MAPKAP1: variants seen among roughly 807,000 people sequenced by gnomAD.
The protein encoded by MAPKAP1 is MAPK associated protein 1.
Under a neutral mutation model 65.7 loss-of-function variants are expected in MAPKAP1, and 20 were observed. That is an observed-to-expected ratio of 0.30 (90% confidence interval 0.21 to 0.44). The LOEUF is 0.44. MAPKAP1 is among the 20% of genes least tolerant of loss of function. The pLI, the probability that MAPKAP1 is intolerant of heterozygous loss-of-function variation, is 1.00. For synonymous variants in MAPKAP1, 222 were observed against 244.3 expected (o/e 0.91, Z 0.85); for missense variants, 423 against 648.0 (o/e 0.65, Z 3.77).
chr9:125,468,210 T>C lies in MAPKAP1; in HGVS notation c.1208-101A>G, dbSNP rs1589217336. On this transcript the variant is annotated intron_variant, in intron 9 of 11. Coordinates refer to ENST00000265960, the MANE Select transcript of MAPKAP1 (RefSeq NM_001006617.3). ...CCTGTTTTATAAATCTGAAATTGCA[T>C]GAACGTGAGCTCTTTCTTAGGGCTT... 5.5e-6 allele frequency: 7 copies of C among 1,271,082 alleles called. No individual in the cohort carries two copies. In the East Asian group the frequency reaches 1.6e-4, roughly 30 times the overall value. 78.7% of individuals were successfully genotyped at this position (1,271,082 alleles called of 1,614,324 possible). A position where few individuals can be genotyped will look rare whatever the true frequency, so the allele number is the denominator to read the frequency against.
chr9:125,521,391 T>C, intron 7 of MAPKAP1: 2 of 836,808 alleles, frequency 2.4e-6, no homozygotes, highest in Non-Finnish European at 1.5e-6. Context: ...CCAATCTGTT[T>C]CTCTTAACTT....
chr9:125,548,895 T>C (rs1343138526), intron 6 of MAPKAP1, among the ~76,000 whole-genome samples: 1 of 152,318 alleles, frequency 6.6e-6, no homozygotes, highest in Admixed American at 6.5e-5. Context: ...GTTGAGACAT[T>C]TGTCTGGAGT....
intron 1 of MAPKAP1, among the ~76,000 whole-genome samples, chr9:125,672,923 A>G (rs1456479836): frequency 1.3e-5 from 2 of 152,234 alleles, no homozygotes; most frequent in African/African-American, 4.8e-5. Flanking sequence ...CACTCGAAGC[A>G]CATAACTACT....
chr9:125,514,904 G>C (rs1829416330), intron 7 of MAPKAP1, among the ~76,000 whole-genome samples: 1 of 152,108 alleles, frequency 6.6e-6, no homozygotes, highest in Non-Finnish European at 1.5e-5. Flanking sequence ...CCGTATCAGA[G>C]CTCGGACCCA....
Position 125,670,919 on chromosome 9 carries a change from G to C in MAPKAP1, c.260-1012C>G, listed in dbSNP as rs186037679. Among the ~76,000 whole-genome samples the C allele has an allele frequency of 1.5e-3, 227 of 152,230 alleles. 1 individual carries two copies. Among genetic ancestry groups the C allele is most frequent in the African/African-American group, 5.3e-3 (220 of 41,538 alleles). ...TAGGAAATTATACACTTCTGCCTTA[G>C]CATTGTGGTAGGGAAACACTGAAAA... is the stretch of plus-strand genomic sequence containing the variant. On this transcript the variant is annotated intron_variant, in intron 2 of 11. Transcript: ENST00000265960.
At chr9:125,673,087 A>C (rs927735272) in intron 1 of MAPKAP1, among the ~76,000 whole-genome samples, 1 of 152,208 alleles carries the variant, frequency 6.6e-6, no homozygotes, top group African/African-American at 2.4e-5. Flanking sequence ...CCCTCCTGTC[A>C]TATGATTGTG....
At chr9:125,668,993 G>C (rs988935773) in intron 3 of MAPKAP1, among the ~76,000 whole-genome samples, 3 of 152,066 alleles carry the variant, frequency 2.0e-5, no homozygotes, top group African/African-American at 7.2e-5. Context: ...AGAACAGCCT[G>C]GCATGGTGAA....
intron 4 of MAPKAP1, among the ~76,000 whole-genome samples, chr9:125,602,731 T>C (rs1832335075): frequency 6.6e-6 from 1 of 152,062 alleles, no homozygotes; most frequent in Non-Finnish European, 1.5e-5. Flanking sequence ...TTTTCATACA[T>C]TATCTCATTT....
chr9:125,643,112 C>T (rs776588954), intron 4 of MAPKAP1, among the ~76,000 whole-genome samples: 2 of 151,904 alleles, frequency 1.3e-5, no homozygotes, highest in Non-Finnish European at 2.9e-5. Flanking sequence ...GTTGCCCAGG[C>T]TGGTCTTGAA....
chr9:125,455,901 C>G (rs1475547266), intron 10 of MAPKAP1, among the ~76,000 whole-genome samples: 1 of 152,238 alleles, frequency 6.6e-6, no homozygotes, highest in Non-Finnish European at 1.5e-5. Context: ...TTTTTACCCT[C>G]CAGCCTTTCA....
intron 4 of MAPKAP1, chr9:125,650,225 C>T (rs1236958211): frequency 6.6e-6 from 1 of 152,198 alleles, no homozygotes; most frequent in African/African-American, 2.4e-5. Flanking sequence ...CCTCACAAAC[C>T]CTTCTCAGGG....
intron 1 of MAPKAP1, among the ~76,000 whole-genome samples, chr9:125,705,803 G>A (rs566266239): frequency 6.6e-5 from 10 of 152,218 alleles, no homozygotes; most frequent in Admixed American, 3.9e-4. Flanking sequence ...GGGAAACCTA[G>A]GCAAGGTAGG....
At chr9:125,630,130 G>A (rs577928888) in intron 4 of MAPKAP1, among the ~76,000 whole-genome samples, 83 of 152,084 alleles carry the variant, frequency 5.5e-4, no homozygotes, top group African/African-American at 2.0e-3. Flanking sequence ...AGTAATCTCT[G>A]AGACAGTCAA....
chr9:125,464,252 T>C (rs1853603542), intron 10 of MAPKAP1, among the ~76,000 whole-genome samples: 2 of 139,528 alleles, frequency 1.4e-5, no homozygotes, highest in South Asian at 4.7e-4. Context: ...TCTAGAGGTA[T>C]ATAAGGATGG....
At chr9:125,634,471 T>C (rs2131694006) in intron 4 of MAPKAP1, among the ~76,000 whole-genome samples, 1 of 152,294 alleles carries the variant, frequency 6.6e-6, no homozygotes, top group Non-Finnish European at 1.5e-5. Flanking sequence ...AATTTAGCAA[T>C]AACAGCAATT....
intron 5 of MAPKAP1, among the ~76,000 whole-genome samples, chr9:125,563,292 A>C (rs1007376785): frequency 3.3e-5 from 5 of 152,200 alleles, no homozygotes; most frequent in African/African-American, 1.2e-4. Flanking sequence ...AACACAATGG[A>C]AACAGGGGCA....
rs1200695495 is a variant in MAPKAP1 at position 125,615,255 on chromosome 9, AAAGAT to A, written c.499-29533_499-29529del. On this transcript the variant is annotated intron_variant, in intron 4 of 11. Coordinates refer to ENST00000265960, the MANE Select transcript of MAPKAP1 (RefSeq NM_001006617.3). Reference sequence around the variant, plus strand: ...ATGGAGAAAATGATAAAATTTTACTAAAGATATTATAGGTCACTTAAATGATATAT... The same window carrying A: ...ATGGAGAAAATGATAAAATTTTACTAATTATAGGTCACTTAAATGATATAT... 3.9e-5 allele frequency among the ~76,000 whole-genome samples: 6 copies of A among 152,330 alleles called. No homozygotes were observed. In the East Asian group the frequency reaches 1.2e-3, roughly 29 times the overall value.
At chr9:125,509,098 A>G (rs1037035547) in intron 7 of MAPKAP1, among the ~76,000 whole-genome samples, 1 of 152,164 alleles carries the variant, frequency 6.6e-6, no homozygotes, top group Non-Finnish European at 1.5e-5. Context: ...ACAATGTACT[A>G]TATATTTCAA....
At chr9:125,527,956 A>C (rs930414590) in intron 7 of MAPKAP1, among the ~76,000 whole-genome samples, 1 of 152,214 alleles carries the variant, frequency 6.6e-6, no homozygotes, top group African/African-American at 2.4e-5. Context: ...CTAAACACAA[A>C]GTGGTGGCCT....
Sources: gnomAD v4.1 joint callset for allele counts (sites outside exome capture counted in the v4.1 genomes callset) on GRCh38, gnomAD v4.1.1 for gene constraint, MANE v1.5 for transcripts, NCBI Gene and HGNC (gene_info 2026-07-23, HGNC 2026-07-21) for gene names.